Variants in DPF3 observed in about 807,000 individuals in gnomAD.
The protein encoded by DPF3 is zinc finger protein DPF3.
DPF3 carries 18 observed loss-of-function variants against 56.8 expected under a neutral mutation model. That is an observed-to-expected ratio of 0.32 (90% CI 0.22 to 0.47). DPF3 has a LOEUF of 0.47. DPF3 is among the 20% of genes least tolerant of loss of function. The probability of loss-of-function intolerance (pLI) is 1.00; values close to 1 mark genes in which losing one functional copy is unlikely to be tolerated. For synonymous variants in DPF3, 188 were observed against 180.2 expected (o/e 1.04, Z -0.35); for missense variants, 403 against 488.8 (o/e 0.82, Z 1.65).
chr14:72,800,906 G>A (rs988680497), intron 1 of DPF3, among the ~76,000 whole-genome samples: 3 of 152,246 alleles, frequency 2.0e-5, no homozygotes, highest in Non-Finnish European at 2.9e-5. Context: ...GCAGCCCACT[G>A]CAGTCAGGGG....
chr14:72,775,115 C>T (rs932269191), intron 1 of DPF3, among the ~76,000 whole-genome samples: 3 of 151,948 alleles, frequency 2.0e-5, no homozygotes, highest in Admixed American at 6.6e-5. Flanking sequence ...AGGTGTCCAA[C>T]GTGAGAGCAG....
intron 2 of DPF3, among the ~76,000 whole-genome samples, chr14:72,765,353 T>C (rs1425573550): frequency 6.6e-6 from 1 of 152,238 alleles, no homozygotes; most frequent in African/African-American, 2.4e-5. Context: ...GTTTCTTTAA[T>C]AGTGAAACAT....
At chr14:72,702,967 C>T (rs1888240960) in intron 6 of DPF3, among the ~76,000 whole-genome samples, 1 of 152,206 alleles carries the variant, frequency 6.6e-6, no homozygotes, top group Non-Finnish European at 1.5e-5. Context: ...TACTAACCCG[C>T]TATGCACCCT....
chr14:72,799,208 G>A (rs923801805), intron 1 of DPF3, among the ~76,000 whole-genome samples: 3 of 152,122 alleles, frequency 2.0e-5, no homozygotes, highest in Non-Finnish European at 2.9e-5. Context: ...CCTCCCTATG[G>A]TGGACATAGG....
intron 1 of DPF3, among the ~76,000 whole-genome samples, chr14:72,810,677 C>A (rs1039263541): frequency 3.9e-5 from 6 of 152,172 alleles, no homozygotes; most frequent in Non-Finnish European, 8.8e-5. Context: ...GGGTCCCCCA[C>A]CCAGCAAGCA....
At chr14:72,638,491 G>A (rs1885448782) in intron 8 of DPF3, among the ~76,000 whole-genome samples, 1 of 151,386 alleles carries the variant, frequency 6.6e-6, no homozygotes, top group Admixed American at 6.6e-5. Flanking sequence ...GTACATCCAG[G>A]AGAATTTCAA....
intron 1 of DPF3, among the ~76,000 whole-genome samples, chr14:72,884,142 G>A (rs546140342): frequency 2.6e-5 from 4 of 152,132 alleles, no homozygotes; most frequent in Admixed American, 1.3e-4. Context: ...TACCAACCGC[G>A]CTTCTGCTTC....
At chr14:72,759,505 CAA>C (rs1468799881) in intron 2 of DPF3, among the ~76,000 whole-genome samples, 1 of 124,786 alleles carries the variant, frequency 8.0e-6, no homozygotes, top group African/African-American at 2.8e-5. Flanking sequence ...CCTGTCTCCA[CAA>C]AAGAGAGAGA....
At chr14:72,678,528 A>C (rs1162067429) in intron 7 of DPF3, among the ~76,000 whole-genome samples, 1 of 152,248 alleles carries the variant, frequency 6.6e-6, no homozygotes, top group African/African-American at 2.4e-5. Context: ...TAAAGCTCAC[A>C]TCATGGCTAG....
At chr14:72,669,656 C>T (rs561490180) in intron 8 of DPF3, among the ~76,000 whole-genome samples, 16 of 152,284 alleles carry the variant, frequency 1.1e-4, no homozygotes, top group Admixed American at 5.9e-4. Context: ...CTTCCCCAGC[C>T]ATTTTCTCTT....
chr14:72,845,828 C>G (rs987871131), intron 1 of DPF3, among the ~76,000 whole-genome samples: 1 of 152,156 alleles, frequency 6.6e-6, no homozygotes, highest in South Asian at 2.1e-4. Flanking sequence ...TTTCACATGA[C>G]ACCTGCAGAA....
At chr14:72,709,651 C>A (rs1368215295) in intron 6 of DPF3, among the ~76,000 whole-genome samples, 1 of 152,092 alleles carries the variant, frequency 6.6e-6, no homozygotes, top group Non-Finnish European at 1.5e-5. Flanking sequence ...TGGAAGATGT[C>A]CTAGGGTATG....
At chr14:72,842,249 T>C (rs1884574651) in intron 1 of DPF3, among the ~76,000 whole-genome samples, 1 of 152,134 alleles carries the variant, frequency 6.6e-6, no homozygotes, top group Non-Finnish European at 1.5e-5. Context: ...AAGGTGTATA[T>C]ACTTAAGGTC....
chr14:72,816,547 AC>A (rs1883294164), intron 1 of DPF3, among the ~76,000 whole-genome samples: 2 of 151,698 alleles, frequency 1.3e-5, no homozygotes, highest in African/African-American at 2.4e-5. Context: ...ACTCAGGCAA[AC>A]CCCCCACCTA....
At chr14:72,626,334 T>G (rs1477597203) in intron 9 of DPF3, among the ~76,000 whole-genome samples, 1 of 152,134 alleles carries the variant, frequency 6.6e-6, no homozygotes, top group Non-Finnish European at 1.5e-5. Flanking sequence ...ACCAGTCTCA[T>G]TAGCATCCTG....
At chr14:72,781,879 C>G (rs73302156) in intron 1 of DPF3, among the ~76,000 whole-genome samples, 4,054 of 152,178 alleles carry the variant, frequency 0.027, 169 homozygotes, top group African/African-American at 0.093. Context: ...GGTGGAGAAG[C>G]CTGCTTTATC....
intron 8 of DPF3, among the ~76,000 whole-genome samples, chr14:72,650,989 C>A (rs1044624722): frequency 2.6e-5 from 4 of 152,254 alleles, no homozygotes; most frequent in African/African-American, 4.8e-5. Flanking sequence ...GGGTTCCTCA[C>A]TTGATCAACT....
chr14:72,615,615 C>T lies in DPF3; in HGVS notation c.*3682G>A, dbSNP rs987062698. ...GGCCTCCTTCCCTCCCTTCCACCCA[C>T]CCACAGGCTCTTCCCTGGTTCCAGT... On this transcript the variant is annotated 3_prime_UTR_variant, in exon 11 of 11. Coordinates refer to ENST00000556509, the MANE Select transcript of DPF3 (RefSeq NM_001280542.3). Among the ~76,000 whole-genome samples, 2 of 152,210 alleles carry T rather than the reference C, an allele frequency of 1.3e-5. No homozygotes were observed. The highest frequency in any genetic ancestry group is 1.3e-4 in the Admixed American group (2 of 15,286).
chr14:72,809,413 G>C (rs1409817207), intron 1 of DPF3, among the ~76,000 whole-genome samples: 20 of 152,300 alleles, frequency 1.3e-4, no homozygotes, highest in Admixed American at 1.2e-3. Flanking sequence ...AGGGCATGGG[G>C]GTTACCAGAA....
Sources: allele counts gnomAD v4.1 joint callset (sites outside exome capture counted in the v4.1 genomes callset), GRCh38; gene constraint gnomAD v4.1.1; transcripts MANE v1.5; gene names NCBI Gene and HGNC (gene_info 2026-07-23, HGNC 2026-07-21).